Variants in RBKS observed in about 807,000 individuals in gnomAD.
RBKS encodes the protein ribokinase.
In RBKS, 33 loss-of-function variants were observed where a neutral mutation model predicts 33.9. The observed-to-expected ratio is 0.97, with a 90% confidence interval of 0.74 to 1.30. The LOEUF (loss-of-function observed/expected upper bound fraction) is 1.30, where lower values mean the gene tolerates loss of function less well. RBKS is among the 50% of genes most tolerant of loss of function. The pLI, the probability that RBKS is intolerant of heterozygous loss-of-function variation, is 0.00. For missense variants in RBKS, 361 were observed against 392.6 expected, an observed-to-expected ratio of 0.92 and a Z score of 0.68; for synonymous variants, 125 against 143.0, an observed-to-expected ratio of 0.87 and a Z score of 0.90.
intron 1 of RBKS, among the ~76,000 whole-genome samples, chr2:27,885,032 A>T (rs951102741): frequency 6.6e-6 from 1 of 151,490 alleles, no homozygotes; most frequent in Non-Finnish European, 1.5e-5. Context: ...TGAGATCCAA[A>T]CTCTTGTATC....
intron 1 of RBKS, among the ~76,000 whole-genome samples, chr2:27,877,990 C>CT (rs1274394423): frequency 2.8e-4 from 41 of 149,024 alleles, no homozygotes; most frequent in Admixed American, 1.5e-3. Flanking sequence ...GGCTGTCATT[C>CT]TTTTTTTTTG....
chr2:27,851,054 A>G (rs1409871651), intron 2 of RBKS, among the ~76,000 whole-genome samples: 1 of 152,096 alleles, frequency 6.6e-6, no homozygotes, highest in Non-Finnish European at 1.5e-5. Context: ...TCTGAACTAT[A>G]CTTCTGAACT....
chr2:27,829,979 A>C (rs1417552708), intron 6 of RBKS, among the ~76,000 whole-genome samples: 1 of 152,164 alleles, frequency 6.6e-6, no homozygotes, highest in Non-Finnish European at 1.5e-5. Flanking sequence ...CCAGTCCGCT[A>C]TAAATGGCAC....
chr2:27,850,594 ACTT>A (rs1663726396), intron 2 of RBKS, among the ~76,000 whole-genome samples: 1 of 152,036 alleles, frequency 6.6e-6, no homozygotes, highest in African/African-American at 2.4e-5. Flanking sequence ...TTTCAGATTG[ACTT>A]CTTTTACTTA....
intron 1 of RBKS, among the ~76,000 whole-genome samples, chr2:27,885,457 A>C (rs764192175): frequency 2.0e-5 from 3 of 152,024 alleles, no homozygotes; most frequent in Non-Finnish European, 4.4e-5. Flanking sequence ...TCCTTTAATC[A>C]CTGATTGCTG....
At chr2:27,851,865 G>T (rs1663752725) in intron 2 of RBKS, among the ~76,000 whole-genome samples, 1 of 152,156 alleles carries the variant, frequency 6.6e-6, no homozygotes. Flanking sequence ...GAAGGAACAT[G>T]ACTACAAGCA....
intron 5 of RBKS, among the ~76,000 whole-genome samples, chr2:27,841,487 T>C (rs759254061): frequency 1.1e-4 from 16 of 152,174 alleles, no homozygotes; most frequent in Non-Finnish European, 1.6e-4. Flanking sequence ...GACTTTACTG[T>C]GACACTCCAA....
chr2:27,887,870 T>C (rs1664571686), intron 1 of RBKS, among the ~76,000 whole-genome samples: 2 of 152,152 alleles, frequency 1.3e-5, no homozygotes, highest in African/African-American at 4.8e-5. Context: ...CTTCAGTTTA[T>C]TTATCTAAAA....
intron 7 of RBKS, among the ~76,000 whole-genome samples, chr2:27,815,934 C>T (rs1678083958): frequency 6.6e-6 from 1 of 152,168 alleles, no homozygotes; most frequent in Admixed American, 6.5e-5. Flanking sequence ...CTTCCATACC[C>T]CACTTCTACT....
At chr2:27,858,300 T>G (rs1046550499) in intron 2 of RBKS, 139 bp downstream of exon 2, 2 of 689,488 alleles carry the variant, frequency 2.9e-6, no homozygotes, top group African/African-American at 3.6e-5. Flanking sequence ...GGTGGTTGAA[T>G]GTATTAAATG....
At chr2:27,858,636 G>A (rs150184458) in intron 1 of RBKS, 65 bp from the exon 2 acceptor site, 1 of 1,422,470 alleles carries the variant, frequency 7.0e-7, no homozygotes, top group Non-Finnish European at 9.8e-7. Context: ...AAGTTCTTTA[G>A]AAGAGAGGGA....
chr2:27,851,832 C>A (rs1663751984), intron 2 of RBKS, among the ~76,000 whole-genome samples: 1 of 152,200 alleles, frequency 6.6e-6, no homozygotes, highest in African/African-American at 2.4e-5. Context: ...AGCCACCACA[C>A]CCGGCTGTCA....
chr2:27,809,488 TTAA>T (rs1677952372), intron 7 of RBKS, among the ~76,000 whole-genome samples: 1 of 152,250 alleles, frequency 6.6e-6, no homozygotes, highest in Non-Finnish European at 1.5e-5. Context: ...TCAGGCAATA[TTAA>T]TGAGAGCTTT....
At chr2:27,881,665 C>T (rs968789798) in intron 1 of RBKS, among the ~76,000 whole-genome samples, 15 of 152,142 alleles carry the variant, frequency 9.9e-5, no homozygotes, top group African/African-American at 3.6e-4. Context: ...TGACTTCAAA[C>T]TATACTTCAG....
At chr2:27,855,816 T>TGGGCC (rs746378724) in intron 2 of RBKS, among the ~76,000 whole-genome samples, 15 of 152,220 alleles carry the variant, frequency 9.9e-5, no homozygotes, top group African/African-American at 1.7e-4. Flanking sequence ...TAAGTTTGTT[T>TGGGCC]GGGCCATCAA....
chr2:27,862,441 C>T (rs1301124213), intron 1 of RBKS, among the ~76,000 whole-genome samples: 2 of 152,070 alleles, frequency 1.3e-5, no homozygotes, highest in Non-Finnish European at 2.9e-5. Flanking sequence ...TACGATACCA[C>T]TTGTCACTAC....
chr2:27,816,833 G>A (rs542839776), intron 7 of RBKS, among the ~76,000 whole-genome samples: 27 of 152,120 alleles, frequency 1.8e-4, no homozygotes, highest in Admixed American at 1.8e-3. Flanking sequence ...TCCTGACCTC[G>A]TGATCCACCC....
At chr2:27,840,165 A>G (rs1228153865) in intron 5 of RBKS, among the ~76,000 whole-genome samples, 1 of 151,362 alleles carries the variant, frequency 6.6e-6, no homozygotes, top group South Asian at 2.1e-4. Flanking sequence ...GACTACAGGC[A>G]CCCACCACCA....
chr2:27,886,734 T>C (rs1387161438), intron 1 of RBKS, among the ~76,000 whole-genome samples: 1 of 151,774 alleles, frequency 6.6e-6, no homozygotes, highest in African/African-American at 2.4e-5. Context: ...AGAAAATATA[T>C]ATTTAAAAAA....
Sources: gnomAD v4.1 joint callset for allele counts (sites outside exome capture counted in the v4.1 genomes callset) on GRCh38, gnomAD v4.1.1 for gene constraint, MANE v1.5 for transcripts, NCBI Gene and HGNC (gene_info 2026-07-23, HGNC 2026-07-21) for gene names.